Variants in DOK7 observed in about 807,000 individuals in gnomAD.
The protein encoded by DOK7 is protein Dok-7.
In DOK7, 32 loss-of-function variants were observed where a neutral mutation model predicts 30.7. The ratio of observed to expected loss-of-function variants is 1.04; its 90% CI spans 0.79 to 1.40. DOK7 has a LOEUF of 1.40. DOK7 is among the 40% of genes most tolerant of loss of function. The probability of loss-of-function intolerance (pLI) is 0.00; values close to 1 mark genes in which losing one functional copy is unlikely to be tolerated. For synonymous variants in DOK7, 447 were observed against 324.1 expected, an observed-to-expected ratio of 1.38 and a Z score of -4.07; for missense variants, 1,007 against 699.2, an observed-to-expected ratio of 1.44 and a Z score of -4.97.
intron 5 of DOK7, among the ~76,000 whole-genome samples, chr4:3,488,846 T>TGTGGAA (rs1727980917): frequency 5.9e-5 from 9 of 151,528 alleles, no homozygotes. Flanking sequence ...GTGCTGTGGA[T>TGTGGAA]GTGGAAGGGG....
chr4:3,464,197 T>C (rs1343148094), intron 2 of DOK7, among the ~76,000 whole-genome samples: 2 of 151,548 alleles, frequency 1.3e-5, no homozygotes, highest in East Asian at 3.9e-4. Flanking sequence ...AGAGGACAGG[T>C]GCGGCAGAGC....
At chr4:3,477,788 G>A (rs974805580) in intron 4 of DOK7, among the ~76,000 whole-genome samples, 1 of 151,540 alleles carries the variant, frequency 6.6e-6, no homozygotes, top group Non-Finnish European at 1.5e-5. Flanking sequence ...AGCCAGTATG[G>A]ATGGGCAGGG....
In DOK7 at chr4:3,463,463, C is replaced by T. The variant is rs751188494; in HGVS notation, c.54+34C>T. The T allele has an allele frequency of 1.5e-5, 18 of 1,222,668 alleles. 1 individual carries two copies. The South Asian group carries it at 2.5e-4, about 17-fold the overall frequency. The allele number at this position is 1,222,668 out of a possible 1,614,324, so 75.7% of individuals were successfully genotyped here. On this transcript the variant is annotated intron_variant, in intron 1 of 6. Coordinates refer to ENST00000340083, the MANE Select transcript of DOK7 (RefSeq NM_173660.5). ...GCGTCGGGGGCGCGGGGGGGGGGGG[C>T]GCGGGCGCGGGCGGCGGCTCACGCT...
intron 6 of DOK7, among the ~76,000 whole-genome samples, 165 bp downstream of exon 6, chr4:3,489,961 C>G (rs577023216): frequency 6.8e-6 from 1 of 146,976 alleles, no homozygotes. Flanking sequence ...CCGCCCCGCC[C>G]GCTACTCATT....
At chr4:3,500,095 G>C (rs1211458297) in intron 6 of DOK7, among the ~76,000 whole-genome samples, 4 of 152,012 alleles carry the variant, frequency 2.6e-5, no homozygotes, top group Non-Finnish European at 1.5e-5. Flanking sequence ...GGCCAAAGAT[G>C]GACGGTCAGG....
rs1233975687 is a variant in DOK7 at position 3,476,548 on chromosome 4, T to C, written c.532+6T>C. The C allele has an allele frequency of 6.2e-7, 1 of 1,613,816 alleles. No individual in the cohort carries two copies. The highest frequency in any genetic ancestry group is 8.5e-7 in the Non-Finnish European group (1 of 1,180,034). On this transcript the variant is annotated splice_donor_region_variant and intron_variant, in intron 4 of 6. Coordinates refer to ENST00000340083, the MANE Select transcript of DOK7 (RefSeq NM_173660.5). ...CGGGACCAGGTGTGGGTACTGTAAGTACGGATGTGTGGGGTCACTGGGCAG... is the reference window on the plus strand; with the variant it reads ...CGGGACCAGGTGTGGGTACTGTAAGCACGGATGTGTGGGGTCACTGGGCAG...
At chr4:3,495,521 C>T (rs1271228245), downstream of DOK7, among the ~76,000 whole-genome samples, 2 of 152,250 alleles carry the variant, frequency 1.3e-5, no homozygotes, top group Non-Finnish European at 2.9e-5. Context: ...TCTGCCTCTC[C>T]TCACGATGCT....
chr4:3,500,558 C>A, intron 7 of DOK7: 1 of 1,486,866 alleles, frequency 6.7e-7, no homozygotes, highest in Non-Finnish European at 9.0e-7. Context: ...CCATCCCTGG[C>A]CAGGCCACAT....
At chr4:3,496,908 G>A (rs746238045), downstream of DOK7, 60 of 1,527,320 alleles carry the variant, frequency 3.9e-5, no homozygotes, top group African/African-American at 1.5e-4. Flanking sequence ...ACAGGAAGGC[G>A]GGAGTCTGGG....
rs865888741 is a variant in DOK7 at position 3,485,295 on chromosome 4, T to C, written c.533-244T>C. ...CCCAAGTTTGAAGGGTGCGGCGGGG[T>C]CCCTGGGGAGTCCAGAGGCTCTGGG... On this transcript the variant is annotated intron_variant, in intron 4 of 6. Transcript: ENST00000340083. 398 of 492,792 alleles carry C rather than the reference T, an allele frequency of 8.1e-4. 1 individual carries two copies. The highest frequency in any genetic ancestry group is 5.9e-3 in the East Asian group (170 of 28,618). The allele number at this position is 492,792 out of a possible 1,614,324, so 30.5% of individuals were successfully genotyped here. A position where few individuals can be genotyped will look rare whatever the true frequency, so the allele number is the denominator to read the frequency against.
chr4:3,476,649 C>T, intron 4 of DOK7, 107 bp downstream of exon 4: 3 of 1,447,236 alleles, frequency 2.1e-6, no homozygotes, highest in South Asian at 1.2e-5. Flanking sequence ...GGCCTGCTGG[C>T]ATTTCCAGAA....
chr4:3,499,024 CT>C (rs1453778284), downstream of DOK7, among the ~76,000 whole-genome samples: 2 of 152,224 alleles, frequency 1.3e-5, no homozygotes, highest in East Asian at 3.9e-4. Flanking sequence ...TTCCTCACCC[CT>C]AGCCCTGCTG....
chr4:3,486,435 G>A (rs1727794950), intron 5 of DOK7, among the ~76,000 whole-genome samples: 1 of 152,250 alleles, frequency 6.6e-6, no homozygotes, highest in African/African-American at 2.4e-5. Flanking sequence ...CACATGTGGC[G>A]CCTCCTGGCA....
chr4:3,476,999 C>T (rs1727136269), intron 4 of DOK7, among the ~76,000 whole-genome samples: 1 of 152,164 alleles, frequency 6.6e-6, no homozygotes, highest in African/African-American at 2.4e-5. Context: ...GCCCTAATGT[C>T]CCCAGTGAGG....
chr4:3,485,351 C>T (rs886575890), intron 4 of DOK7, 188 bp from the exon 5 acceptor site: 38 of 731,734 alleles, frequency 5.2e-5, no homozygotes, highest in South Asian at 4.7e-4. Context: ...GGTGGGGTGT[C>T]GGCTCTGGGC....
At chr4:3,463,462 G>GGCC in intron 1 of DOK7, 33 bp downstream of exon 1, 1 of 1,215,558 alleles carries the variant, frequency 8.2e-7, no homozygotes, top group Non-Finnish European at 1.1e-6. Context: ...GGGGGGGGGG[G>GGCC]CGCGGGCGCG....
chr4:3,478,586 G>A (rs75206789), intron 4 of DOK7, among the ~76,000 whole-genome samples: 14,581 of 133,342 alleles, frequency 0.11, 966 homozygotes, highest in East Asian at 0.2. Flanking sequence ...CACAGAACCC[G>A]CAAACGGGGG....
At chr4:3,498,372 C>T (rs889875118), downstream of DOK7, among the ~76,000 whole-genome samples, 2 of 151,738 alleles carry the variant, frequency 1.3e-5, no homozygotes, top group African/African-American at 4.8e-5. Context: ...GTGTTGGGAA[C>T]ATTCGTCCCC....
intron 2 of DOK7, among the ~76,000 whole-genome samples, chr4:3,469,665 A>C (rs1032904296): frequency 2.0e-5 from 3 of 152,110 alleles, no homozygotes; most frequent in African/African-American, 7.2e-5. Flanking sequence ...TGTCCCAGGG[A>C]GAGCCGCTGC....
Sources: allele counts gnomAD v4.1 joint callset (sites outside exome capture counted in the v4.1 genomes callset), GRCh38; gene constraint gnomAD v4.1.1; transcripts MANE v1.5; gene names NCBI Gene and HGNC (gene_info 2026-07-23, HGNC 2026-07-21).